COL28A1: variants seen among roughly 807,000 people sequenced by gnomAD.
The protein encoded by COL28A1 is collagen type XXVIII alpha 1 chain.
In COL28A1, 161 loss-of-function variants were observed where a neutral mutation model predicts 150.2. The observed-to-expected ratio is 1.07, with a 90% CI of 0.94 to 1.22. COL28A1 has a LOEUF of 1.22. COL28A1 is among the 50% of genes most tolerant of loss of function. COL28A1 has a pLI of 0.00. For synonymous variants in COL28A1, 552 were observed against 469.7 expected (o/e 1.18, Z -2.26); for missense variants, 1,617 against 1,388.3 (o/e 1.16, Z -2.62).
chr7:7,512,658 A>T (rs1781207726), intron 8 of COL28A1, among the ~76,000 whole-genome samples: 1 of 152,260 alleles, frequency 6.6e-6, no homozygotes, highest in Admixed American at 6.5e-5. Flanking sequence ...TTTCATAATC[A>T]TAGTAATATT....
chr7:7,453,691 G>T (rs1055016062), intron 16 of COL28A1, among the ~76,000 whole-genome samples, 183 bp from the exon 17 acceptor site: 1 of 152,154 alleles, frequency 6.6e-6, no homozygotes, highest in African/African-American at 2.4e-5. Flanking sequence ...CATATTAATA[G>T]AAATTTTAGC....
At chr7:7,401,725 T>A (rs1186095088) in intron 27 of COL28A1, among the ~76,000 whole-genome samples, 1 of 152,156 alleles carries the variant, frequency 6.6e-6, no homozygotes, top group East Asian at 1.9e-4. Context: ...CTTATTTGTT[T>A]TTGTCCCCTT....
chr7:7,441,067 A>G (rs1048345605), intron 20 of COL28A1, among the ~76,000 whole-genome samples: 3 of 152,172 alleles, frequency 2.0e-5, no homozygotes, highest in Non-Finnish European at 2.9e-5. Context: ...TATTTATTCA[A>G]TATGATTTGC....
rs774277209 is a variant in COL28A1 at position 7,440,812 on chromosome 7, A to T, written c.1700T>A (p.Leu567His). 1 of 1,524,526 alleles carries T rather than the reference A, an allele frequency of 6.6e-7. No individual in the cohort carries two copies. Among genetic ancestry groups the T allele is most frequent in the East Asian group, 2.3e-5 (1 of 44,404 alleles). The allele number at this position is 1,524,526 out of a possible 1,614,324, so 94.4% of individuals were successfully genotyped here. ...GSKGNQGQRG[L>H]PGPEGPKGEP... ...TACCTTTGGTCCTTCGGGCCCTGGA[A>T]GTCCCCTCTGTCCTTGATTTCCTTT... is the stretch of plus-strand genomic sequence containing the variant. Residue 567 changes from leucine (L) to histidine (H), a missense_variant, in exon 21 of 35, where the codon CTT (leucine) becomes CAT (histidine). Physicochemically the swap from Leu to His is moderately conservative, Grantham distance 99. Transcript: ENST00000399429.
chr7:7,443,498 G>C, intron 20 of COL28A1, 87 bp downstream of exon 20: 1 of 1,573,074 alleles, frequency 6.4e-7, no homozygotes, highest in Admixed American at 1.8e-5. Flanking sequence ...GACATAGTAA[G>C]AATAACAATC....
chr7:7,443,984 CTGTT>C (rs1256737189), intron 19 of COL28A1, among the ~76,000 whole-genome samples: 35 of 93,482 alleles, frequency 3.7e-4, no homozygotes, highest in African/African-American at 1.7e-3. Flanking sequence ...TTTCCATCTG[CTGTT>C]TTTTTTTTTT....
rs1181427045 is a variant in COL28A1 at position 7,373,458 on chromosome 7, G to T, written c.2448C>A (p.Ile816=). The T allele has an allele frequency of 6.2e-7, 1 of 1,614,112 alleles. No homozygotes were observed. The highest frequency in any genetic ancestry group is 8.5e-7 in the Non-Finnish European group (1 of 1,180,010). Residue 816 remains isoleucine, a synonymous_variant, in exon 32 of 35, where the codon ATC becomes ATA. Transcript: ENST00000399429. This position sits in a 1 kb window ranked among gnomAD's most constrained non-coding sequence, Gnocchi z 4.1. ...SESVGPENFQ[I]IKNFVKTMAD... ...CCATAGTCTTCACAAAATTTTTAAT[G>T]ATCTGAAAGTTCTCTGGCCCCACGC...
At chr7:7,410,369 C>T (rs897102753) in intron 27 of COL28A1, among the ~76,000 whole-genome samples, 10 of 152,160 alleles carry the variant, frequency 6.6e-5, no homozygotes, top group Non-Finnish European at 1.5e-5. Context: ...ATTGACTTGG[C>T]AGGTATAATC....
chr7:7,434,126 A>C (rs1234965197), intron 23 of COL28A1, among the ~76,000 whole-genome samples: 2 of 152,216 alleles, frequency 1.3e-5, no homozygotes, highest in Non-Finnish European at 1.5e-5. Context: ...ATTTCCTATT[A>C]AATCTAAAAG....
intron 14 of COL28A1, among the ~76,000 whole-genome samples, chr7:7,476,435 T>A (rs959551234): frequency 6.6e-6 from 1 of 152,204 alleles, no homozygotes; most frequent in Non-Finnish European, 1.5e-5. Context: ...AATATAGTTT[T>A]ATTGGAACAG....
chr7:7,397,209 T>C (rs907174650), intron 27 of COL28A1, among the ~76,000 whole-genome samples: 1 of 152,174 alleles, frequency 6.6e-6, no homozygotes, highest in Admixed American at 6.5e-5. Context: ...TCCTTAATTT[T>C]TTCAGCTGCT....
chr7:7,520,752 A>T (rs533053369), intron 5 of COL28A1, among the ~76,000 whole-genome samples: 1 of 152,308 alleles, frequency 6.6e-6, no homozygotes, highest in East Asian at 1.9e-4. Context: ...TGTGACTAAA[A>T]TTGTCAGGTG....
intron 15 of COL28A1, among the ~76,000 whole-genome samples, chr7:7,473,089 G>A (rs961532673): frequency 1.3e-5 from 2 of 152,018 alleles, no homozygotes; most frequent in Non-Finnish European, 2.9e-5. Flanking sequence ...AGATAACATT[G>A]AAAAAACTCT....
chr7:7,475,048 A>C (rs149502848), intron 14 of COL28A1, among the ~76,000 whole-genome samples: 1 of 152,286 alleles, frequency 6.6e-6, no homozygotes, highest in Non-Finnish European at 1.5e-5. Context: ...CCATCACACA[A>C]GGAAAATTTA....
chr7:7,456,149 A>G (rs376552810), intron 15 of COL28A1, 37 bp from the exon 16 acceptor site: 131 of 1,597,850 alleles, frequency 8.2e-5, no homozygotes, highest in Non-Finnish European at 1.1e-4. Context: ...TAACAATAAA[A>G]TAAAATCTTA....
At chr7:7,407,081 G>C (rs2128302059) in intron 27 of COL28A1, among the ~76,000 whole-genome samples, 1 of 151,912 alleles carries the variant, frequency 6.6e-6, no homozygotes, top group South Asian at 2.1e-4. Flanking sequence ...TACAGCTGAA[G>C]AAAGATTTAA....
At chr7:7,430,555 T>A (rs1029718800) in intron 25 of COL28A1, among the ~76,000 whole-genome samples, 9 of 152,310 alleles carry the variant, frequency 5.9e-5, no homozygotes, top group Admixed American at 3.9e-4. Flanking sequence ...TTCATAATAA[T>A]CTACTCTGTG....
At chr7:7,433,669 G>T (rs981389188) in intron 23 of COL28A1, among the ~76,000 whole-genome samples, 3 of 145,874 alleles carry the variant, frequency 2.1e-5, no homozygotes, top group African/African-American at 7.4e-5. Flanking sequence ...TTACCTACAA[G>T]TCCATTACAC....
At chr7:7,540,560 T>C (rs1402457174), upstream of COL28A1, among the ~76,000 whole-genome samples, 1 of 152,236 alleles carries the variant, frequency 6.6e-6, no homozygotes, top group African/African-American at 2.4e-5. Flanking sequence ...AAAATTTAGG[T>C]CTTTGTGCAT....
Sources: gnomAD v4.1 joint callset for allele counts (sites outside exome capture counted in the v4.1 genomes callset) on GRCh38, gnomAD v4.1.1 for gene constraint, Gnocchi (gnomAD v3.1) non-coding constraint, MANE v1.5 for transcripts, NCBI Gene and HGNC (gene_info 2026-07-23, HGNC 2026-07-21) for gene names.